The following ZNF28 variants were observed in gnomAD, a reference collection of about 807,000 sequenced individuals.
The protein encoded by ZNF28 is zinc finger protein KOX24.
Under a neutral mutation model 7.2 loss-of-function variants are expected in ZNF28, and 5 were observed. The observed-to-expected ratio is 0.70, with a 90% CI of 0.36 to 1.46. The LOEUF is 1.46. Among genes scored for constraint, ZNF28 ranks in the 40% most tolerant of loss-of-function variants. The probability of loss-of-function intolerance (pLI) is 0.03; values close to 1 mark genes in which losing one functional copy is unlikely to be tolerated. For synonymous variants in ZNF28, 288 were observed against 292.4 expected (o/e 0.99, Z 0.15); for missense variants, 879 against 866.6 (o/e 1.01, Z -0.18).
Position 52,799,814 on chromosome 19 carries a change from G to A in ZNF28, c.2031C>T (p.His677=). The change falls in exon 4 of 4, where the codon CAC becomes CAT. Residue 677 remains histidine, a synonymous_variant. Transcript: ENST00000457749. ...TATGAACTCTCTGATGCTGTGCAAGGTGTGCTTGTTGATTAAAAACCTTGC... is the reference window on the plus strand; with the variant it reads ...TATGAACTCTCTGATGCTGTGCAAGATGTGCTTGTTGATTAAAAACCTTGC... The part of the protein sequence containing the change: ...ECGKVFNQQA[H]LAQHQRVHTG... 6.2e-7 allele frequency: 1 copy of A among 1,613,542 alleles called. No individual in the cohort carries two copies. Among genetic ancestry groups the A allele is most frequent in the Non-Finnish European group, 8.5e-7 (1 of 1,179,952 alleles).
At chr19:52,809,258 A>C (rs4801937) in intron 2 of ZNF28, among the ~76,000 whole-genome samples, 3 of 151,562 alleles carry the variant, frequency 2.0e-5, no homozygotes, top group African/African-American at 7.3e-5. Flanking sequence ...AGTAATGCGG[A>C]CGTGCACAGA....
chr19:52,808,486 G>C (rs1414693942), intron 2 of ZNF28, among the ~76,000 whole-genome samples: 1 of 152,136 alleles, frequency 6.6e-6, no homozygotes, highest in Non-Finnish European at 1.5e-5. Context: ...CACAGTAAGA[G>C]ACAGGCTGGG....
rs1352144361 is a variant in ZNF28, at chr19:52,797,732, T to G, written c.*1956A>C. On this transcript the variant is annotated 3_prime_UTR_variant, in exon 4 of 4. Coordinates refer to ENST00000457749, the MANE Select transcript of ZNF28 (RefSeq NM_006969.5). ...ATATAAATACACATACAATCCATACTGATTGGAAAAATTAGTATTGCTCAA... is the reference window on the plus strand; with the variant it reads ...ATATAAATACACATACAATCCATACGGATTGGAAAAATTAGTATTGCTCAA... 2.6e-5 allele frequency: 4 copies of G among 152,478 alleles called. No homozygotes were observed. Among genetic ancestry groups the G allele is most frequent in the African/African-American group, 4.8e-5 (2 of 41,446 alleles). The allele number at this position is 152,478 out of a possible 1,614,324, so 9.4% of individuals were successfully genotyped here.
chr19:52,799,170 C>T lies in ZNF28; in HGVS notation c.*518G>A. ...TGACTGTTGATTAAAAACTATGCCA[C>T]ATTCATTACACTTGTAGGGTTTCTC... On this transcript the variant is annotated 3_prime_UTR_variant, in exon 4 of 4. Coordinates refer to ENST00000457749, the MANE Select transcript of ZNF28 (RefSeq NM_006969.5). 1 of 410,684 alleles carries T rather than the reference C, an allele frequency of 2.4e-6. No homozygotes were observed. Among genetic ancestry groups the T allele is most frequent in the Admixed American group, 3.8e-5 (1 of 26,420 alleles). The allele number at this position is 410,684 out of a possible 1,614,324, so 25.4% of individuals were successfully genotyped here. A position where few individuals can be genotyped will look rare whatever the true frequency, so the allele number is the denominator to read the frequency against.
Position 52,820,435 on chromosome 19 carries a change from G to T in ZNF28, c.-74+1151C>A, listed in dbSNP as rs115008835. On this transcript the variant is annotated intron_variant, in intron 1 of 3. Transcript: ENST00000457749. The stretch of plus-strand genomic sequence containing the variant: ...CCCGGCCCTTATTTAACCTCTTGTT[G>T]GTCCTTCTCCCCAATCTTTAGATCG... Among the ~76,000 whole-genome samples, 640 of 149,922 alleles carry T rather than the reference G, an allele frequency of 4.3e-3. 49 individuals carry two copies. Among genetic ancestry groups the T allele is most frequent in the African/African-American group, 0.016 (626 of 39,842 alleles).
In ZNF28 at chr19:52,800,715, T is replaced by C; in HGVS notation, c.1130A>G (p.His377Arg). ...ACATTCATAAGGTTTCTCTCCAGTATGAAGCCTACGATGGCGTGCAAGGGT... is the reference window on the plus strand; with the variant it reads ...ACATTCATAAGGTTTCTCTCCAGTACGAAGCCTACGATGGCGTGCAAGGGT... ...LSTLARHRRL[H>R]TGEKPYECEE... is the part of the protein sequence containing the mutation. The change falls in exon 4 of 4, where the codon CAT (histidine) becomes CGT (arginine). Residue 377 changes from histidine (H) to arginine (R), a missense_variant. His to Arg is a conservative substitution (Grantham distance 29, BLOSUM62 0). Coordinates refer to ENST00000457749, the MANE Select transcript of ZNF28 (RefSeq NM_006969.5). 1.9e-6 allele frequency: 3 copies of C among 1,613,982 alleles called. No individual in the cohort carries two copies. The highest frequency in any genetic ancestry group is 2.5e-6 in the Non-Finnish European group (3 of 1,179,988).
chr19:52,807,428 A>G (rs1410907642), intron 3 of ZNF28, among the ~76,000 whole-genome samples: 6 of 152,262 alleles, frequency 3.9e-5, no homozygotes, highest in South Asian at 2.1e-4. Context: ...AGCACAGGAG[A>G]AGCAAACAGG....
rs1288922073 is a variant in ZNF28 at position 52,799,350 on chromosome 19, C to A, written c.*338G>T. 28 of 525,220 alleles carry A rather than the reference C, an allele frequency of 5.3e-5. No individual in the cohort carries two copies. The highest frequency in any genetic ancestry group is 9.1e-5 in the Non-Finnish European group (26 of 285,652). The allele number at this position is 525,220 out of a possible 1,614,324, so 32.5% of individuals were successfully genotyped here. On this transcript the variant is annotated 3_prime_UTR_variant, in exon 4 of 4. Transcript: ENST00000457749. ...AAAAATCTTGTCATAAACCTTACAT[C>A]TGTGTGGTTTCTCTTCAGCATGCAT...
Position 52,808,938 on chromosome 19 carries a change from T to C in ZNF28, c.16-805A>G, listed in dbSNP as rs549953655. ...CACTAGATGTGAATACAAAGGGTTG[T>C]CATTTGTCCCAGATTTTCAAAATAT... On this transcript the variant is annotated intron_variant, in intron 2 of 3. Coordinates refer to ENST00000457749, the MANE Select transcript of ZNF28 (RefSeq NM_006969.5). 2.2e-3 allele frequency among the ~76,000 whole-genome samples: 328 copies of C among 152,338 alleles called. 5 individuals are homozygous for C. The highest frequency in any genetic ancestry group is 7.5e-3 in the African/African-American group (310 of 41,582).
In ZNF28 at chr19:52,800,194, A is replaced by G; in HGVS notation, c.1651T>C (p.Tyr551His). 1 of 1,613,346 alleles carries G rather than the reference A, an allele frequency of 6.2e-7. No homozygotes were observed. The highest frequency in any genetic ancestry group is 2.2e-5 in the East Asian group (1 of 44,652). The change falls in exon 4 of 4, where the codon TAC (tyrosine) becomes CAC (histidine). Residue 551 changes from tyrosine to histidine, a missense_variant. Tyr to His is a moderately conservative substitution (Grantham distance 83, BLOSUM62 2). Around this residue, in one of 2 missense-constraint regions of ZNF28, gnomAD observed 864 missense variants for 830.2 expected, o/e 1.04. Transcript: ENST00000457749. Reference sequence around the variant, plus strand: ...ACTTTCTCACATTCTTCACATTTGTACGGTTTCTCTGCAGTATGAAGTTTA... The same window carrying G: ...ACTTTCTCACATTCTTCACATTTGTGCGGTTTCTCTGCAGTATGAAGTTTA... ...HHKLHTAEKP[Y>H]KCEECEKVFS...
At chr19:52,811,627 T>TA (rs2063041798) in intron 2 of ZNF28, among the ~76,000 whole-genome samples, 1 of 120,840 alleles carries the variant, frequency 8.3e-6, no homozygotes, top group African/African-American at 3.6e-5. Flanking sequence ...GGCCGCCCCG[T>TA]CTGAGAAGTG....
rs865959061 is a variant in ZNF28, at chr19:52,800,425, T to G, written c.1420A>C (p.Lys474Gln). ...EKPYKCEECDKVFRCKSHLER... is the reference protein window; with the variant it reads ...EKPYKCEECDQVFRCKSHLER... ...AGGTGTGATTTGCACCTGAAAACTT[T>G]GTCACATTCTTCACATTTGTATGGT... Residue 474 changes from lysine (K) to glutamine (Q), a missense_variant, in exon 4 of 4, where the codon AAA becomes CAA. Lys to Gln is a moderately conservative substitution (Grantham distance 53). Coordinates refer to ENST00000457749, the MANE Select transcript of ZNF28 (RefSeq NM_006969.5). The G allele has an allele frequency of 1.9e-6, 3 of 1,613,588 alleles. No individual in the cohort carries two copies. Among genetic ancestry groups the G allele is most frequent in the African/African-American group, 2.7e-5 (2 of 74,984 alleles).
At chr19:52,810,780 C>T in intron 2 of ZNF28, 1 of 387,020 alleles carries the variant, frequency 2.6e-6, no homozygotes, top group Non-Finnish European at 4.2e-6. Flanking sequence ...AAAAAAAACC[C>T]AAAAAAAACA....
chr19:52,821,052 TC>T (rs1227328252), intron 1 of ZNF28, among the ~76,000 whole-genome samples: 1 of 152,068 alleles, frequency 6.6e-6, no homozygotes, highest in Non-Finnish European at 1.5e-5. Flanking sequence ...CAGGCACCTC[TC>T]CAACGCGGGC....
At chr19:52,810,779 CCA>C (rs2063012194) in intron 2 of ZNF28, 25 of 393,502 alleles carry the variant, frequency 6.4e-5, no homozygotes, top group Admixed American at 4.9e-4. Context: ...AAAAAAAAAC[CCA>C]AAAAAAACAG....
chr19:52,803,882 A>G (rs1052756600), intron 3 of ZNF28, among the ~76,000 whole-genome samples: 5 of 152,168 alleles, frequency 3.3e-5, no homozygotes, highest in African/African-American at 1.2e-4. Flanking sequence ...ATTTGTACCC[A>G]GAAGGTGAAG....
In ZNF28 at chr19:52,801,321, G is replaced by C. The variant is rs753213409; in HGVS notation, c.524C>G (p.Ser175Ter). Reference sequence around the variant, plus strand: ...CCTACAACAAATTCTTTGGGATGTTGAAACTGAGGAAGCATTGTTGATAGA... The same window carrying C: ...CCTACAACAAATTCTTTGGGATGTTCAAACTGAGGAAGCATTGTTGATAGA... ...EKSINNASSV[S>*]TSQRICCRPK... The change falls in exon 4 of 4, where the codon TCA becomes TGA. Residue 175 changes from serine (S) to a stop codon, truncating the protein, a stop_gained. Coordinates refer to ENST00000457749, the MANE Select transcript of ZNF28 (RefSeq NM_006969.5). LOFTEE classifies it low-confidence loss of function (END_TRUNC). 1.4e-5 allele frequency: 22 copies of C among 1,613,994 alleles called. No individual in the cohort carries two copies. In the South Asian group the frequency reaches 1.4e-4, roughly 10 times the overall value.
At chr19:52,819,582 G>A (rs1223507133) in intron 1 of ZNF28, among the ~76,000 whole-genome samples, 16 of 76,122 alleles carry the variant, frequency 2.1e-4, no homozygotes, top group African/African-American at 7.8e-4. Flanking sequence ...TTGCAGGGGA[G>A]GCTCACTGGG....
At chr19:52,809,647 A>T (rs953134169) in intron 2 of ZNF28, among the ~76,000 whole-genome samples, 2 of 152,206 alleles carry the variant, frequency 1.3e-5, no homozygotes, top group African/African-American at 4.8e-5. Context: ...CTCTACTAAA[A>T]ATACAAAAAA....
Sources: allele counts gnomAD v4.1 joint callset (sites outside exome capture counted in the v4.1 genomes callset), GRCh38; gene constraint gnomAD v4.1.1; regional missense constraint gnomAD v4.1.1; transcripts MANE v1.5; gene names NCBI Gene and HGNC (gene_info 2026-07-23, HGNC 2026-07-21).